ARHGEF10L: variants seen among roughly 807,000 people sequenced by gnomAD.
ARHGEF10L encodes rho guanine nucleotide exchange factor 10-like protein.
ARHGEF10L carries 69 observed loss-of-function variants against 141.2 expected under a neutral mutation model. The ratio of observed to expected loss-of-function variants is 0.49; its 90% confidence interval spans 0.40 to 0.60. The LOEUF (loss-of-function observed/expected upper bound fraction) is 0.60, where lower values mean the gene tolerates loss of function less well. Ranked by LOEUF, ARHGEF10L falls within the 20% of genes least tolerant of loss-of-function variation. ARHGEF10L has a pLI of 0.00. For synonymous variants in ARHGEF10L, 711 were observed against 718.5 expected (o/e 0.99, Z 0.17); for missense variants, 1,482 against 1,734.3 (o/e 0.85, Z 2.58).
rs535042478 is a variant in ARHGEF10L, at chr1:17,569,250, C to T, written c.-43-11303C>T. ...GAGCAGTGCTCAGAGCCAACTCCCG[C>T]CAGAGGTGCCCCAGAACAGCTGGAA... On this transcript the variant is annotated intron_variant, in intron 1 of 28. Coordinates refer to ENST00000361221, the MANE Select transcript of ARHGEF10L (RefSeq NM_018125.4). 8.5e-5 allele frequency among the ~76,000 whole-genome samples: 13 copies of T among 152,326 alleles called. No homozygotes were observed. The South Asian group carries it at 2.7e-3, about 32-fold the overall frequency.
chr1:17,523,408 T>C, the ARHGEF10L span, among the ~76,000 whole-genome samples: 6 of 152,084 alleles, frequency 3.9e-5, no homozygotes, highest in African/African-American at 1.4e-4. Flanking sequence ...TACATTTTCA[T>C]TTATTGGGCA....
chr1:17,601,729 A>G (rs1014076317), intron 4 of ARHGEF10L, among the ~76,000 whole-genome samples: 3 of 152,152 alleles, frequency 2.0e-5, no homozygotes, highest in African/African-American at 7.2e-5. Flanking sequence ...TACAGGCATG[A>G]GCTACCGTGT....
At chr1:17,622,941 G>C (rs1225112293) in intron 11 of ARHGEF10L, 55 bp from the exon 12 acceptor site, 2 of 1,560,966 alleles carry the variant, frequency 1.3e-6, no homozygotes, top group Middle Eastern at 2.3e-4. Context: ...CATGAGGGCA[G>C]GTAGGGAGAG....
Position 17,674,246 on chromosome 1 carries a change from C to G in ARHGEF10L, c.3009+9651C>G, listed in dbSNP as rs2063503145. Among the ~76,000 whole-genome samples the G allele has an allele frequency of 1.3e-5, 2 of 152,192 alleles. 1 individual carries two copies. The highest frequency in any genetic ancestry group is 2.9e-5 in the Non-Finnish European group (2 of 68,034). On this transcript the variant is annotated intron_variant, in intron 26 of 28. Coordinates refer to ENST00000361221, the MANE Select transcript of ARHGEF10L (RefSeq NM_018125.4). ...TGAGCCTTCCAGGGCTCCAGTTACCCCTGGGACCCTTGGTCCATGGTGTTT... is the reference window on the plus strand; with the variant it reads ...TGAGCCTTCCAGGGCTCCAGTTACCGCTGGGACCCTTGGTCCATGGTGTTT...
In ARHGEF10L at chr1:17,665,581, G is replaced by A. The variant is rs543890375; in HGVS notation, c.3009+986G>A. On this transcript the variant is annotated intron_variant, in intron 26 of 28. Transcript: ENST00000361221. ...TCGTTGGAGCCGGACCTACCAGACC[G>A]TCTTTCAGTTCTGCCACTTACATCT... Among the ~76,000 whole-genome samples, 106 of 152,250 alleles carry A rather than the reference G, an allele frequency of 7.0e-4. 1 individual carries two copies. In the South Asian group the frequency reaches 0.021, roughly 30 times the overall value.
intron 26 of ARHGEF10L, among the ~76,000 whole-genome samples, chr1:17,667,818 C>G (rs2063078729): frequency 6.6e-6 from 1 of 152,174 alleles, no homozygotes; most frequent in Non-Finnish European, 1.5e-5. Context: ...CTCAGGAGCA[C>G]TTGAGACTTC....
At chr1:17,542,146 AAAAAG>A (rs1471438712) in intron 1 of ARHGEF10L, among the ~76,000 whole-genome samples, 2 of 151,712 alleles carry the variant, frequency 1.3e-5, no homozygotes, top group African/African-American at 2.4e-5. Flanking sequence ...CTCAAAAGAA[AAAAAG>A]AAAAGAAAAG....
intron 7 of ARHGEF10L, 78 bp from the exon 8 acceptor site, chr1:17,612,980 T>C (rs1185690396): frequency 1.0e-6 from 1 of 971,880 alleles, no homozygotes; most frequent in South Asian, 1.4e-5. Flanking sequence ...TCTCCCCTGT[T>C]GTCTGTGTTT....
intron 26 of ARHGEF10L, among the ~76,000 whole-genome samples, chr1:17,685,623 G>A (rs1017288106): frequency 2.0e-5 from 3 of 152,208 alleles, no homozygotes; most frequent in African/African-American, 7.2e-5. Flanking sequence ...TCCTGAGAAC[G>A]TTTGCCCCAC....
the ARHGEF10L span, among the ~76,000 whole-genome samples, chr1:17,534,334 G>C: frequency 6.6e-6 from 1 of 152,184 alleles, no homozygotes; most frequent in African/African-American, 2.4e-5. Flanking sequence ...ATGTTAGCCA[G>C]GATGGTCTCG....
rs78023980 is a variant in ARHGEF10L at position 17,590,622 on chromosome 1, C to T, written c.257+2143C>T. Among the ~76,000 whole-genome samples, 1,089 of 152,230 alleles carry T rather than the reference C, an allele frequency of 7.2e-3. 15 individuals carry two copies. Among genetic ancestry groups the T allele is most frequent in the African/African-American group, 0.025 (1,018 of 41,540 alleles). On this transcript the variant is annotated intron_variant, in intron 4 of 28. Transcript: ENST00000361221. ...GCAGGCACGGGGTGAGTGCCAAAGA[C>T]GTCCTTGGTGAACGAATGATGGACA...
intron 17 of ARHGEF10L, 59 bp downstream of exon 17, chr1:17,634,621 C>T: frequency 6.3e-7 from 1 of 1,599,276 alleles, no homozygotes; most frequent in South Asian, 1.1e-5. Flanking sequence ...GCTCTGGTGC[C>T]ATGTGATTCT....
chr1:17,637,242 G>A (rs2061055055), intron 18 of ARHGEF10L, among the ~76,000 whole-genome samples: 1 of 152,188 alleles, frequency 6.6e-6, no homozygotes, highest in Non-Finnish European at 1.5e-5. Flanking sequence ...CTGTTCATGG[G>A]CTGCCTCAAG....
chr1:17,556,875 G>T (rs893993664), intron 1 of ARHGEF10L, among the ~76,000 whole-genome samples: 3 of 152,184 alleles, frequency 2.0e-5, no homozygotes, highest in African/African-American at 7.2e-5. Context: ...CCTTAGGAAA[G>T]GCTGGGCACA....
intron 4 of ARHGEF10L, among the ~76,000 whole-genome samples, chr1:17,593,347 C>G (rs2079759574): frequency 6.6e-6 from 1 of 152,206 alleles, no homozygotes; most frequent in South Asian, 2.1e-4. Flanking sequence ...TTGGAGATTT[C>G]CGTGTCTTCA....
intron 1 of ARHGEF10L, among the ~76,000 whole-genome samples, chr1:17,576,151 G>T (rs2078213659): frequency 6.6e-6 from 1 of 152,158 alleles, no homozygotes; most frequent in Non-Finnish European, 1.5e-5. Context: ...AGAGGGATGG[G>T]GCAGCTTGAT....
chr1:17,694,883 T>G, intron 27 of ARHGEF10L: 1 of 625,290 alleles, frequency 1.6e-6, no homozygotes, highest in Non-Finnish European at 3.0e-6. Flanking sequence ...CCAGGCGCTG[T>G]GCCTGTGGTG....
intron 26 of ARHGEF10L, among the ~76,000 whole-genome samples, chr1:17,679,754 G>A (rs767816989): frequency 6.6e-5 from 10 of 152,300 alleles, no homozygotes; most frequent in South Asian, 6.2e-4. Flanking sequence ...CTTTGCTGGC[G>A]GGGTGGCCCT....
chr1:17,525,315 TA>T, the ARHGEF10L span, among the ~76,000 whole-genome samples: 1 of 152,204 alleles, frequency 6.6e-6, no homozygotes, highest in Admixed American at 6.5e-5. Flanking sequence ...TTCTATCTGA[TA>T]AAAAAGGTCC....
Sources: allele counts gnomAD v4.1 joint callset (sites outside exome capture counted in the v4.1 genomes callset), GRCh38; gene constraint gnomAD v4.1.1; transcripts MANE v1.5; gene names NCBI Gene and HGNC (gene_info 2026-07-23, HGNC 2026-07-21).